Variants in CLNK observed in about 807,000 individuals in gnomAD.
CLNK encodes the protein cytokine dependent hematopoietic cell linker.
In CLNK, 74 loss-of-function variants were observed where a neutral mutation model predicts 68.6. The observed-to-expected ratio is 1.08, with a 90% CI of 0.89 to 1.31. The LOEUF is 1.31. CLNK is among the 50% of genes most tolerant of loss of function. The pLI, the probability that CLNK is intolerant of heterozygous loss-of-function variation, is 0.00. For synonymous variants in CLNK, 198 were observed against 172.2 expected (o/e 1.15, Z -1.17); for missense variants, 553 against 515.3 (o/e 1.07, Z -0.71).
chr4:10,585,469 G>A (rs1478289699), intron 3 of CLNK, among the ~76,000 whole-genome samples: 2 of 152,224 alleles, frequency 1.3e-5, no homozygotes, highest in African/African-American at 4.8e-5. Context: ...CAATCCAGCT[G>A]TTTCTGTACC....
At chr4:10,565,970 C>T (rs751243255) in intron 6 of CLNK, 39 bp downstream of exon 6, 3 of 1,601,430 alleles carry the variant, frequency 1.9e-6, no homozygotes, top group Non-Finnish European at 2.6e-6. Flanking sequence ...GTGGCATGTA[C>T]ATGCATCTTC....
At chr4:10,514,844 C>A (rs1218594361) in intron 15 of CLNK, among the ~76,000 whole-genome samples, 2 of 151,850 alleles carry the variant, frequency 1.3e-5, no homozygotes, top group Non-Finnish European at 2.9e-5. Flanking sequence ...ATTTTCGCAA[C>A]CTGCTACTCA....
chr4:10,668,864 A>G (rs992296730), intron 1 of CLNK, among the ~76,000 whole-genome samples: 1 of 152,216 alleles, frequency 6.6e-6, no homozygotes, highest in Admixed American at 6.5e-5. Flanking sequence ...CCCATTGGCC[A>G]AACTCAACAG....
intron 2 of CLNK, among the ~76,000 whole-genome samples, chr4:10,653,010 C>T (rs1347471318): frequency 1.3e-5 from 2 of 152,122 alleles, no homozygotes; most frequent in East Asian, 3.8e-4. Flanking sequence ...ACTATGCAGC[C>T]ATAAAAAGGA....
chr4:10,683,858 A>C (rs1428854511), intron 1 of CLNK, among the ~76,000 whole-genome samples: 1 of 152,206 alleles, frequency 6.6e-6, no homozygotes, highest in South Asian at 2.1e-4. Context: ...CAGTATAGAC[A>C]GAGACAGCCA....
At chr4:10,669,601 G>C (rs1297913961) in intron 1 of CLNK, among the ~76,000 whole-genome samples, 1 of 152,172 alleles carries the variant, frequency 6.6e-6, no homozygotes, top group Non-Finnish European at 1.5e-5. Flanking sequence ...AAGGTCCCTT[G>C]GATTGAGATG....
chr4:10,563,183 T>C (rs1018155374), intron 7 of CLNK, among the ~76,000 whole-genome samples: 2 of 152,190 alleles, frequency 1.3e-5, no homozygotes, highest in African/African-American at 4.8e-5. Flanking sequence ...AAACAGACAA[T>C]GAATATAAAA....
rs1716515473 is a variant in CLNK, at chr4:10,490,336, TTA to T, written c.*129_*130del. The stretch of plus-strand genomic sequence containing the variant: ...ACCGTGAGTGATTTTCCACTCTCTG[TTA>T]TAGAGTGTTTTTCTTTTCTCCAAAG... On this transcript the variant is annotated 3_prime_UTR_variant, in exon 19 of 19. Coordinates refer to ENST00000226951, the MANE Select transcript of CLNK (RefSeq NM_052964.4). 1.1e-6 allele frequency: 1 copy of T among 885,048 alleles called. No homozygotes were observed. The highest frequency in any genetic ancestry group is 2.0e-5 in the South Asian group (1 of 49,630). 54.8% of individuals were successfully genotyped at this position (885,048 alleles called of 1,614,324 possible).
intron 1 of CLNK, among the ~76,000 whole-genome samples, chr4:10,675,134 C>T (rs1409217198): frequency 2.0e-5 from 3 of 151,988 alleles, no homozygotes; most frequent in Non-Finnish European, 4.4e-5. Flanking sequence ...CACATGTATC[C>T]CAGAACTTAA....
chr4:10,699,512 A>ATTTTTTTTT, the CLNK span, among the ~76,000 whole-genome samples: 21 of 32,720 alleles, frequency 6.4e-4, no homozygotes, highest in African/African-American at 2.0e-3. Context: ...ATATATATAT[A>ATTTTTTTTT]TTTTTTTTTT....
At chr4:10,608,509 AC>A (rs1721872751) in intron 2 of CLNK, among the ~76,000 whole-genome samples, 1 of 152,116 alleles carries the variant, frequency 6.6e-6, no homozygotes, top group Non-Finnish European at 1.5e-5. Flanking sequence ...TCCTTAGTGA[AC>A]AACAGCTGTG....
Position 10,653,006 on chromosome 4 carries a change from C to T in CLNK, c.11+14853G>A, listed in dbSNP as rs916732845. Among the ~76,000 whole-genome samples, 10 of 152,268 alleles carry T rather than the reference C, an allele frequency of 6.6e-5. No individual in the cohort carries two copies. The East Asian group carries it at 9.6e-4, about 15-fold the overall frequency. ...CACATATATACCATGGAATACTATG[C>T]AGCCATAAAAAGGATGAGTTCATAT... On this transcript the variant is annotated intron_variant, in intron 2 of 18. Coordinates refer to ENST00000226951, the MANE Select transcript of CLNK (RefSeq NM_052964.4).
chr4:10,599,201 T>C (rs1205213998), intron 2 of CLNK, among the ~76,000 whole-genome samples: 1 of 152,152 alleles, frequency 6.6e-6, no homozygotes, highest in Non-Finnish European at 1.5e-5. Flanking sequence ...AGGGCCTGGG[T>C]CAATGCCTGG....
intron 2 of CLNK, among the ~76,000 whole-genome samples, chr4:10,640,356 G>A (rs1198023666): frequency 6.6e-6 from 1 of 152,148 alleles, no homozygotes; most frequent in East Asian, 1.9e-4. Context: ...GTAGAGGCAG[G>A]GGTTTCGCCA....
intron 17 of CLNK, among the ~76,000 whole-genome samples, chr4:10,506,787 C>A (rs1199171501): frequency 6.6e-6 from 1 of 152,150 alleles, no homozygotes; most frequent in Non-Finnish European, 1.5e-5. Flanking sequence ...AAGCCTCAGG[C>A]CTGAAACTCT....
At chr4:10,535,465 G>T (rs1221634168) in intron 11 of CLNK, among the ~76,000 whole-genome samples, 1 of 152,152 alleles carries the variant, frequency 6.6e-6, no homozygotes, top group Non-Finnish European at 1.5e-5. Flanking sequence ...CAGTGCTGTT[G>T]TGTGACTAAA....
chr4:10,628,977 A>G (rs138108062), intron 2 of CLNK, among the ~76,000 whole-genome samples: 156 of 152,278 alleles, frequency 1.0e-3, no homozygotes, highest in African/African-American at 3.5e-3. Context: ...GACCCAAAAG[A>G]GCTTGTCCCA....
At chr4:10,536,243 C>T (rs1273903236) in intron 11 of CLNK, among the ~76,000 whole-genome samples, 1 of 152,168 alleles carries the variant, frequency 6.6e-6, no homozygotes. Context: ...TCATCTCACT[C>T]ACAGTGCCTT....
At chr4:10,536,319 C>A (rs755570364) in intron 11 of CLNK, among the ~76,000 whole-genome samples, 2 of 152,200 alleles carry the variant, frequency 1.3e-5, no homozygotes, top group Non-Finnish European at 2.9e-5. Context: ...GCTCTGATTG[C>A]CAATGTTCCT....
Sources: allele counts gnomAD v4.1 joint callset (sites outside exome capture counted in the v4.1 genomes callset), GRCh38; gene constraint gnomAD v4.1.1; transcripts MANE v1.5; gene names NCBI Gene and HGNC (gene_info 2026-07-23, HGNC 2026-07-21).